Variants in GNAS observed in about 807,000 individuals in gnomAD.
GNAS encodes the protein protein ALEX.
In GNAS, 8 loss-of-function variants were observed where a neutral mutation model predicts 54.5. The observed-to-expected ratio is 0.15, with a 90% confidence interval of 0.09 to 0.26. GNAS has a LOEUF of 0.26. Among genes scored for constraint, GNAS ranks in the 10% least tolerant of loss-of-function variants. The pLI, the probability that GNAS is intolerant of heterozygous loss-of-function variation, is 1.00. For missense variants in GNAS, 170 were observed against 529.8 expected (o/e 0.32, Z 6.67); for synonymous variants, 204 against 191.4 (o/e 1.07, Z -0.54).
rs778208993 is a variant in GNAS, at chr20:58,854,481, G to A, written c.43+13595G>A. On this transcript the variant is annotated intron_variant, in intron 1 of 12. Coordinates refer to the GNAS transcript ENST00000306090. The stretch of plus-strand genomic sequence containing the variant: ...AGCCCCAGCCGATCCTGACTCCGGG[G>A]CAACCCCAGAAGATCCCGACTCCGG... 20 of 1,583,700 alleles carry A rather than the reference G, an allele frequency of 1.3e-5. 1 individual carries two copies. The South Asian group carries it at 1.9e-4, about 15-fold the overall frequency.
chr20:58,882,920 C>A (rs1341411225), intron 1 of GNAS: 3 of 152,286 alleles, frequency 2.0e-5, no homozygotes, highest in Middle Eastern at 3.4e-3. Flanking sequence ...TTTTTACCTG[C>A]GCAGTACAGG....
At chr20:58,839,997 C>A, upstream of GNAS, 2 of 1,250,850 alleles carry the variant, frequency 1.6e-6, 1 homozygote, top group South Asian at 2.5e-5. Flanking sequence ...TCCGGGCCAG[C>A]TTCTCACCTC....
Position 58,868,883 on chromosome 20 carries a change from C to A in GNAS, c.44-26729C>A, listed in dbSNP as rs548102124. On this transcript the variant is annotated intron_variant, in intron 1 of 12. Transcript: ENST00000306090. Reference sequence around the variant, plus strand: ...GAAAGAAAGCAAGGCTACTCAGAACCGGCTGGCAGATGGCGCTCGGCTTTT... The same window carrying A: ...GAAAGAAAGCAAGGCTACTCAGAACAGGCTGGCAGATGGCGCTCGGCTTTT... 4.9e-4 allele frequency among the ~76,000 whole-genome samples: 74 copies of A among 152,260 alleles called. No individual in the cohort carries two copies. In the South Asian group the frequency reaches 6.6e-3, roughly 14 times the overall value.
At position 58,909,256 on chromosome 20, in the gene GNAS, C is replaced by T. The variant is rs199817220; in HGVS notation, c.585+40C>T. 2.5e-6 allele frequency: 4 copies of T among 1,596,092 alleles called. No individual in the cohort carries two copies. Among genetic ancestry groups the T allele is most frequent in the Non-Finnish European group, 3.4e-6 (4 of 1,163,618 alleles). ...TCCCCACCAGAGGACTCTGAGCCCT[C>T]TTTCCAAACTACTCCAGACCTTTGC... is the stretch of plus-strand genomic sequence containing the variant. On this transcript the variant is annotated intron_variant, in intron 7 of 12. Transcript: ENST00000371085. This position sits in a 1 kb window ranked among gnomAD's most constrained non-coding sequence, Gnocchi z 7.3.
intron 1 of GNAS, among the ~76,000 whole-genome samples, chr20:58,876,267 T>C (rs946648210): frequency 6.6e-6 from 1 of 152,222 alleles, no homozygotes; most frequent in African/African-American, 2.4e-5. Context: ...CTCCTAACAC[T>C]CGAGTTTCCT....
At chr20:58,899,428 A>G (rs771419624) in intron 3 of GNAS, 4 of 521,278 alleles carry the variant, frequency 7.7e-6, no homozygotes, top group Non-Finnish European at 1.1e-5. Flanking sequence ...TAAAATATGC[A>G]ATGCTGCACC....
intron 1 of GNAS, chr20:58,854,842 T>A: frequency 1.3e-6 from 2 of 1,596,900 alleles, no homozygotes; most frequent in Non-Finnish European, 8.5e-7. Flanking sequence ...AGACGCAAGA[T>A]CCATCTCAGA....
At chr20:58,892,163 CTCTT>C (rs1282709627) in intron 1 of GNAS, 27 of 967,000 alleles carry the variant, frequency 2.8e-5, no homozygotes, top group Non-Finnish European at 1.8e-5. Context: ...CCCTCTTTCT[CTCTT>C]TCTCTCTTTT....
intron 6 of GNAS, among the ~76,000 whole-genome samples, chr20:58,905,879 G>A (rs1236307991): frequency 2.6e-5 from 4 of 152,098 alleles, no homozygotes; most frequent in Non-Finnish European, 5.9e-5. Flanking sequence ...AAAGAGGAAT[G>A]GTGAAGACAT....
At position 58,855,511 on chromosome 20, in the gene GNAS, G is replaced by A. The variant is rs1044005650; in HGVS notation, c.43+14625G>A. 1.5e-5 allele frequency: 11 copies of A among 735,630 alleles called. No individual in the cohort carries two copies. The Admixed American group carries it at 2.0e-4, about 13-fold the overall frequency. The allele number at this position is 735,630 out of a possible 1,614,324, so 45.6% of individuals were successfully genotyped here. ...CCCTAACTGCCCTGGGAGCGGGAGG[G>A]GATCTTTGGTGGATTCGGGTGGCCG... On this transcript the variant is annotated intron_variant, in intron 1 of 12. Coordinates refer to the GNAS transcript ENST00000306090.
At chr20:58,850,181 A>G (rs1361969330) in intron 1 of GNAS, among the ~76,000 whole-genome samples, 1 of 152,116 alleles carries the variant, frequency 6.6e-6, no homozygotes, top group Non-Finnish European at 1.5e-5. Context: ...TTGGAGGCCC[A>G]TATAAAAAGT....
chr20:58,852,964 A>G, intron 1 of GNAS: 1 of 1,121,440 alleles, frequency 8.9e-7, no homozygotes, highest in Non-Finnish European at 1.1e-6. Flanking sequence ...GCAAAAAGAA[A>G]GAGAGAGGAG....
chr20:58,855,181 T>C, intron 1 of GNAS: 1 of 1,609,064 alleles, frequency 6.2e-7, no homozygotes, highest in Non-Finnish European at 8.5e-7. Context: ...GTCAAGAAGG[T>C]ACCCCTGGCG....
intron 1 of GNAS, 66 bp downstream of exon 1, chr20:58,891,931 C>G (rs2089413628): frequency 1.1e-6 from 1 of 918,492 alleles, no homozygotes; most frequent in Non-Finnish European, 1.3e-6. Flanking sequence ...GCAGGCCGCG[C>G]GCGCCGAGCC....
chr20:58,905,005 G>A (rs530543580), intron 5 of GNAS, among the ~76,000 whole-genome samples: 13 of 152,200 alleles, frequency 8.5e-5, no homozygotes, highest in Non-Finnish European at 1.2e-4. Flanking sequence ...TCTTACAAAT[G>A]AAGTTTCTTA....
rs1355289067 is a variant in GNAS, at chr20:58,910,849, A to G, written c.*20A>G. ...CTCTAAGAAGGGAACCCCCAAATTT[A>G]ATTAAAGCCTTAAGCACAATTAATT... is the stretch of plus-strand genomic sequence containing the variant. On this transcript the variant is annotated 3_prime_UTR_variant, in exon 13 of 13. Transcript: ENST00000371085. This position sits in a 1 kb window ranked among gnomAD's most constrained non-coding sequence, Gnocchi z 5.8. 1.9e-6 allele frequency: 3 copies of G among 1,609,964 alleles called. No individual in the cohort carries two copies. Among genetic ancestry groups the G allele is most frequent in the Non-Finnish European group, 2.6e-6 (3 of 1,176,304 alleles).
chr20:58,903,264 A>C, intron 3 of GNAS: 1 of 564,174 alleles, frequency 1.8e-6, no homozygotes, highest in Non-Finnish European at 3.2e-6. Context: ...GAAAGATTAA[A>C]TGAGCTGCAT....
chr20:58,898,611 C>G (rs1265106533), intron 2 of GNAS: 2 of 416,106 alleles, frequency 4.8e-6, no homozygotes, highest in African/African-American at 3.9e-5. Context: ...TGAGATAAAT[C>G]ACTGCTTTAG....
At chr20:58,860,574 T>C (rs1258495225) in intron 1 of GNAS, among the ~76,000 whole-genome samples, 3 of 152,180 alleles carry the variant, frequency 2.0e-5, no homozygotes, top group Non-Finnish European at 4.4e-5. Flanking sequence ...AAGTATGCCT[T>C]ACTTCTAGTC....
Sources: allele counts gnomAD v4.1 joint callset (sites outside exome capture counted in the v4.1 genomes callset), GRCh38; gene constraint gnomAD v4.1.1; non-coding constraint Gnocchi (gnomAD v3.1); transcripts MANE v1.5; gene names NCBI Gene and HGNC (gene_info 2026-07-23, HGNC 2026-07-21).